Variants in PRKCQ observed in about 807,000 individuals in gnomAD.
PRKCQ encodes protein kinase C theta type.
Under a neutral mutation model 91.2 loss-of-function variants are expected in PRKCQ, and 41 were observed. The observed-to-expected ratio is 0.45, with a 90% confidence interval of 0.35 to 0.58. The LOEUF (loss-of-function observed/expected upper bound fraction) is 0.58. Among genes scored for constraint, PRKCQ ranks in the 20% least tolerant of loss-of-function variants. The pLI, the probability that PRKCQ is intolerant of heterozygous loss-of-function variation, is 0.00. For synonymous variants in PRKCQ, 307 were observed against 316.9 expected, an observed-to-expected ratio of 0.97 and a Z score of 0.33; for missense variants, 673 against 896.5, an observed-to-expected ratio of 0.75 and a Z score of 3.18.
At chr10:6,480,037 T>G (rs1444564173) in intron 11 of PRKCQ, among the ~76,000 whole-genome samples, 1 of 152,200 alleles carries the variant, frequency 6.6e-6, no homozygotes, top group Non-Finnish European at 1.5e-5. Flanking sequence ...TGGCATGTAG[T>G]AGGTCCTAAA....
chr10:6,400,065 G>A, the PRKCQ span, among the ~76,000 whole-genome samples: 1 of 152,224 alleles, frequency 6.6e-6, no homozygotes, highest in Non-Finnish European at 1.5e-5. Context: ...AGAGAAGGCA[G>A]AGTCCAGGTG....
At chr10:6,421,338 A>C in the PRKCQ span, among the ~76,000 whole-genome samples, 6 of 152,286 alleles carry the variant, frequency 3.9e-5, no homozygotes, top group South Asian at 1.2e-3. This position sits in a 1 kb window ranked among gnomAD's most constrained non-coding sequence, Gnocchi z 4.1. Context: ...TCAAAAAATT[A>C]ATCAGGCATG....
chr10:6,406,333 T>A, the PRKCQ span, among the ~76,000 whole-genome samples: 1 of 151,782 alleles, frequency 6.6e-6, no homozygotes, highest in Admixed American at 6.6e-5. Context: ...TTTTTTTTCA[T>A]GACTAAAGTA....
At chr10:6,475,474 A>G (rs1836222800) in intron 12 of PRKCQ, among the ~76,000 whole-genome samples, 1 of 152,162 alleles carries the variant, frequency 6.6e-6, no homozygotes, top group Admixed American at 6.5e-5. Context: ...AAACTTTAAC[A>G]ATTTAATCCA....
At chr10:6,476,074 C>T (rs143619973) in intron 12 of PRKCQ, among the ~76,000 whole-genome samples, 1 of 152,222 alleles carries the variant, frequency 6.6e-6, no homozygotes, top group Non-Finnish European at 1.5e-5. Context: ...GAACGCTAAG[C>T]ATGTGGGAGT....
intron 1 of PRKCQ, among the ~76,000 whole-genome samples, chr10:6,542,575 C>T (rs1839812803): frequency 6.6e-6 from 1 of 152,208 alleles, no homozygotes; most frequent in Non-Finnish European, 1.5e-5. Context: ...ACAGCATCTG[C>T]AGCTTCAGAG....
the PRKCQ span, among the ~76,000 whole-genome samples, chr10:6,395,079 T>TC: frequency 2.1e-5 from 3 of 145,200 alleles, no homozygotes; most frequent in African/African-American, 7.7e-5. Context: ...TTTTTTTTTT[T>TC]TGAGACGGAG....
chr10:6,521,048 G>A (rs1838982556), intron 1 of PRKCQ, among the ~76,000 whole-genome samples: 1 of 152,134 alleles, frequency 6.6e-6, no homozygotes, highest in Admixed American at 6.5e-5. Flanking sequence ...TGGAGATGTG[G>A]TCAGCTTGTG....
At chr10:6,557,245 T>C (rs754424314) in intron 1 of PRKCQ, among the ~76,000 whole-genome samples, 77 of 152,282 alleles carry the variant, frequency 5.1e-4, no homozygotes, top group South Asian at 1.4e-3. Flanking sequence ...GCCAGCACTC[T>C]GTGGATCTAT....
At chr10:6,473,320 C>T (rs1028445574) in intron 12 of PRKCQ, among the ~76,000 whole-genome samples, 3 of 152,224 alleles carry the variant, frequency 2.0e-5, no homozygotes, top group Admixed American at 2.0e-4. Flanking sequence ...CATCCTCAAA[C>T]TTTGAGTTTG....
At chr10:6,482,971 G>T (rs573241426) in intron 11 of PRKCQ, among the ~76,000 whole-genome samples, 1 of 152,204 alleles carries the variant, frequency 6.6e-6, no homozygotes, top group East Asian at 1.9e-4. Context: ...TGAGATTTGG[G>T]TGGGGACACA....
At chr10:6,496,314 A>G (rs1167758753) in intron 7 of PRKCQ, among the ~76,000 whole-genome samples, 2 of 152,054 alleles carry the variant, frequency 1.3e-5, no homozygotes, top group Non-Finnish European at 2.9e-5. Context: ...TCATAATGAT[A>G]CACTGCCCAT....
intron 1 of PRKCQ, among the ~76,000 whole-genome samples, chr10:6,556,602 G>T (rs879442106): frequency 6.6e-6 from 1 of 151,848 alleles, no homozygotes; most frequent in Non-Finnish European, 1.5e-5. Flanking sequence ...AAACGTTCTG[G>T]AAACAGTCAT....
chr10:6,451,003 C>T (rs1307474102), intron 15 of PRKCQ, among the ~76,000 whole-genome samples: 2 of 151,968 alleles, frequency 1.3e-5, no homozygotes, highest in Non-Finnish European at 2.9e-5. Context: ...ACCCTAACAT[C>T]ACAATTAAAA....
chr10:6,502,649 T>C (rs1443256270), intron 4 of PRKCQ, among the ~76,000 whole-genome samples: 2 of 152,138 alleles, frequency 1.3e-5, no homozygotes, highest in African/African-American at 4.8e-5. Flanking sequence ...CATAGGAGAA[T>C]GGATGGGATA....
chr10:6,457,770 C>T (rs1007479034), intron 14 of PRKCQ, among the ~76,000 whole-genome samples: 1 of 152,156 alleles, frequency 6.6e-6, no homozygotes, highest in Admixed American at 6.5e-5. Context: ...TAAGATCCTG[C>T]ACCATATTTT....
chr10:6,546,508 G>A (rs1474294341), intron 1 of PRKCQ, among the ~76,000 whole-genome samples: 2 of 152,196 alleles, frequency 1.3e-5, no homozygotes, highest in African/African-American at 4.8e-5. Flanking sequence ...TTGTGAATGG[G>A]AGTTCACTCA....
At chr10:6,546,033 T>C (rs2130925047) in intron 1 of PRKCQ, among the ~76,000 whole-genome samples, 1 of 151,878 alleles carries the variant, frequency 6.6e-6, no homozygotes, top group East Asian at 1.9e-4. Context: ...AAGGTTCACA[T>C]GGTAAATTTT....
At chr10:6,559,872 T>C (rs1466740746) in intron 1 of PRKCQ, among the ~76,000 whole-genome samples, 1 of 152,228 alleles carries the variant, frequency 6.6e-6, no homozygotes, top group Non-Finnish European at 1.5e-5. Context: ...TGCATATTTA[T>C]GGGGCACATG....
Sources: gnomAD v4.1 joint callset for allele counts (sites outside exome capture counted in the v4.1 genomes callset) on GRCh38, gnomAD v4.1.1 for gene constraint, Gnocchi (gnomAD v3.1) non-coding constraint, MANE v1.5 for transcripts, NCBI Gene and HGNC (gene_info 2026-07-23, HGNC 2026-07-21) for gene names.